GRID2: variants seen among roughly 807,000 people sequenced by gnomAD.
GRID2 encodes the protein glutamate receptor ionotropic, delta-2.
GRID2 carries 33 observed loss-of-function variants against 114.8 expected under a neutral mutation model. That is an observed-to-expected ratio of 0.29 (90% CI 0.22 to 0.38). The LOEUF is 0.38. GRID2 is among the 10% of genes least tolerant of loss of function. GRID2 has a pLI of 1.00. For missense variants in GRID2, 1,184 were observed against 1,257.7 expected (o/e 0.94, Z 0.89); for synonymous variants, 505 against 449.9 (o/e 1.12, Z -1.55).
chr4:93,560,519 A>G (rs867012330), intron 13 of GRID2, among the ~76,000 whole-genome samples: 1 of 152,124 alleles, frequency 6.6e-6, no homozygotes, highest in African/African-American at 2.4e-5. Context: ...GTGCTAGCTA[A>G]GCCATTCATG....
intron 8 of GRID2, among the ~76,000 whole-genome samples, chr4:93,371,892 C>T (rs1338625845): frequency 2.0e-5 from 3 of 151,632 alleles, no homozygotes. Flanking sequence ...GGATTACAGG[C>T]ACCCACCACC....
At position 92,486,612 on chromosome 4, in the gene GRID2, A is replaced by C. The variant is rs951161025; in HGVS notation, c.89-103519A>C. The stretch of plus-strand genomic sequence containing the variant: ...ACACAAACACAGATAATATAGTAGG[A>C]ATAAGAAGGGTAAGAATCAACAGAG... On this transcript the variant is annotated intron_variant, in intron 1 of 15. Transcript: ENST00000282020. 6.0e-5 allele frequency among the ~76,000 whole-genome samples: 9 copies of C among 150,842 alleles called. No individual in the cohort carries two copies. In the Admixed American group the frequency reaches 6.0e-4, roughly 10 times the overall value.
At chr4:93,281,024 A>T (rs184051078) in intron 8 of GRID2, among the ~76,000 whole-genome samples, 62 of 152,050 alleles carry the variant, frequency 4.1e-4, no homozygotes, top group African/African-American at 1.1e-3. Context: ...ATTTACACAT[A>T]TGCACATACA....
intron 2 of GRID2, among the ~76,000 whole-genome samples, chr4:92,845,501 C>T (rs1311709577): frequency 6.6e-6 from 1 of 151,918 alleles, no homozygotes; most frequent in African/African-American, 2.4e-5. Context: ...CTTTTTATTC[C>T]TTTTGGACAT....
At chr4:92,517,862 G>A (rs1362744664) in intron 1 of GRID2, among the ~76,000 whole-genome samples, 1 of 151,670 alleles carries the variant, frequency 6.6e-6, no homozygotes, top group African/African-American at 2.4e-5. Flanking sequence ...ATCAGCTTTT[G>A]AGGTCTATCA....
At chr4:92,750,951 T>A (rs991247931) in intron 2 of GRID2, among the ~76,000 whole-genome samples, 2 of 152,186 alleles carry the variant, frequency 1.3e-5, no homozygotes, top group African/African-American at 2.4e-5. Flanking sequence ...AATGAGATGA[T>A]TTCTAATGAT....
intron 2 of GRID2, among the ~76,000 whole-genome samples, chr4:92,614,093 A>G (rs1579687192): frequency 6.6e-6 from 1 of 151,404 alleles, no homozygotes; most frequent in Non-Finnish European, 1.5e-5. Context: ...ATTATTAACT[A>G]TAGTCATCCT....
rs144525537 is a variant in GRID2, at chr4:93,507,639, G to GA, written c.1998-7571dup. 2.0e-4 allele frequency among the ~76,000 whole-genome samples: 30 copies of GA among 152,206 alleles called. No individual in the cohort carries two copies. The East Asian group carries it at 5.2e-3, about 26-fold the overall frequency. On this transcript the variant is annotated intron_variant, in intron 12 of 15. Coordinates refer to ENST00000282020, the MANE Select transcript of GRID2 (RefSeq NM_001510.4). ...TTCAGTTTGCTTCCAATATTTCAGTGAAAAAATCACTCAGTTCATGTACCC... is the reference window on the plus strand; with the variant it reads ...TTCAGTTTGCTTCCAATATTTCAGTGAAAAAAATCACTCAGTTCATGTACCC...
At chr4:92,308,309 T>A (rs1257096653) in intron 1 of GRID2, among the ~76,000 whole-genome samples, 1 of 152,208 alleles carries the variant, frequency 6.6e-6, no homozygotes, top group Non-Finnish European at 1.5e-5. Context: ...ACAGAACTGA[T>A]TGTAAATTAG....
At chr4:93,047,972 G>C (rs1201617057) in intron 2 of GRID2, among the ~76,000 whole-genome samples, 1 of 152,050 alleles carries the variant, frequency 6.6e-6, no homozygotes, top group East Asian at 1.9e-4. Flanking sequence ...TCTGGGTGTT[G>C]AAGGCTCCAG....
At chr4:93,344,897 A>G (rs913065395) in intron 8 of GRID2, among the ~76,000 whole-genome samples, 9 of 151,496 alleles carry the variant, frequency 5.9e-5, no homozygotes, top group African/African-American at 2.2e-4. Flanking sequence ...TGCCTAGCTT[A>G]TTTCACTTAG....
chr4:93,234,438 G>A (rs1449716035), intron 7 of GRID2, among the ~76,000 whole-genome samples: 1 of 151,966 alleles, frequency 6.6e-6, no homozygotes, highest in Non-Finnish European at 1.5e-5. Context: ...AGGGCCTAAG[G>A]GTCCCCTAAG....
At chr4:93,753,131 T>C (rs1732470360) in intron 14 of GRID2, among the ~76,000 whole-genome samples, 1 of 152,178 alleles carries the variant, frequency 6.6e-6, no homozygotes, top group African/African-American at 2.4e-5. Flanking sequence ...ACCTCCTATC[T>C]ACATGCCTAC....
chr4:92,995,053 G>A (rs1220581255), intron 2 of GRID2, among the ~76,000 whole-genome samples: 1 of 152,102 alleles, frequency 6.6e-6, no homozygotes, highest in Admixed American at 6.6e-5. Context: ...AGGAATAAAA[G>A]GTTTGCCTTT....
intron 2 of GRID2, among the ~76,000 whole-genome samples, chr4:92,760,852 A>C (rs968643299): frequency 6.6e-6 from 1 of 152,210 alleles, no homozygotes; most frequent in Admixed American, 6.5e-5. Flanking sequence ...ACAGATAGCT[A>C]TGAATACACT....
At chr4:92,405,037 G>T (rs79703682) in intron 1 of GRID2, among the ~76,000 whole-genome samples, 69 of 152,204 alleles carry the variant, frequency 4.5e-4, no homozygotes, top group African/African-American at 1.6e-3. Flanking sequence ...CTTAACATTA[G>T]ATTAAATTAA....
At chr4:93,544,020 G>A (rs564238270) in intron 13 of GRID2, among the ~76,000 whole-genome samples, 2 of 152,138 alleles carry the variant, frequency 1.3e-5, no homozygotes, top group East Asian at 3.9e-4. Flanking sequence ...ATTAATTTTT[G>A]CACACTCTCT....
rs1019859543 is a variant in GRID2, at chr4:92,852,717, T to A, written c.245-232278T>A. 5.3e-5 allele frequency among the ~76,000 whole-genome samples: 8 copies of A among 151,314 alleles called. No homozygotes were observed. The East Asian group carries it at 1.2e-3, about 22-fold the overall frequency. ...TCCTGGGTTTCTACACCATTTTTCC[T>A]GTAGCTCCTCGTGGCGCACTCTTTG... On this transcript the variant is annotated intron_variant, in intron 2 of 15. Coordinates refer to ENST00000282020, the MANE Select transcript of GRID2 (RefSeq NM_001510.4).
intron 2 of GRID2, among the ~76,000 whole-genome samples, chr4:93,040,150 G>A (rs1447896009): frequency 6.6e-6 from 1 of 151,934 alleles, no homozygotes; most frequent in Non-Finnish European, 1.5e-5. Context: ...GATAGATAGA[G>A]CAAATATATA....
Sources: gnomAD v4.1 joint callset for allele counts (sites outside exome capture counted in the v4.1 genomes callset) on GRCh38, gnomAD v4.1.1 for gene constraint, MANE v1.5 for transcripts, NCBI Gene and HGNC (gene_info 2026-07-23, HGNC 2026-07-21) for gene names.